PCDHGA12: variants seen among roughly 807,000 people sequenced by gnomAD.
PCDHGA12 encodes protocadherin gamma-A12.
In PCDHGA12, 43 loss-of-function variants were observed where a neutral mutation model predicts 61.1. The observed-to-expected ratio is 0.70, with a 90% CI of 0.55 to 0.91. The LOEUF (loss-of-function observed/expected upper bound fraction) is 0.91. Ranked by LOEUF, PCDHGA12 falls within the 40% of genes least tolerant of loss-of-function variation. The pLI is 0.00. For synonymous variants in PCDHGA12, 520 were observed against 542.9 expected, an observed-to-expected ratio of 0.96 and a Z score of 0.59; for missense variants, 1,236 against 1,227.7, an observed-to-expected ratio of 1.01 and a Z score of -0.10.
chr5:141,471,124 A>C (rs2099250596), intron 1 of PCDHGA12, among the ~76,000 whole-genome samples: 1 of 141,916 alleles, frequency 7.0e-6, no homozygotes, highest in East Asian at 2.1e-4. Flanking sequence ...TCTTACCTTC[A>C]CTGCAACCTC....
chr5:141,431,405 G>A lies in PCDHGA12; in HGVS notation c.646G>A (p.Asp216Asn), dbSNP rs2097369508. Reference sequence around the variant, plus strand: ...TCACCACCTGGTCCTTACGGCCTCCGACGGGGGCGACCCGGTGCGCACAGG... The same window carrying A: ...TCACCACCTGGTCCTTACGGCCTCCAACGGGGGCGACCCGGTGCGCACAGG... The part of the protein sequence containing the change: ...AAHHLVLTAS[D>N]GGDPVRTGTA... Residue 216 changes from aspartate to asparagine, a missense_variant, in exon 1 of 4, where the codon GAC becomes AAC. Physicochemically the swap from Asp to Asn is conservative, Grantham distance 23. Transcript: ENST00000252085. The surrounding 1 kb of genome is among the most constrained non-coding windows in gnomAD (Gnocchi z 4.8). 1 of 1,613,614 alleles carries A rather than the reference G, an allele frequency of 6.2e-7. No individual in the cohort carries two copies.
chr5:141,494,194 G>A (rs1446357035), intron 1 of PCDHGA12, among the ~76,000 whole-genome samples: 2 of 152,182 alleles, frequency 1.3e-5, no homozygotes, highest in Non-Finnish European at 2.9e-5. Flanking sequence ...GGACTTGGAT[G>A]CCCCGCAAAG....
chr5:141,438,764 C>T (rs963627140), intron 1 of PCDHGA12, among the ~76,000 whole-genome samples: 38 of 148,736 alleles, frequency 2.6e-4, no homozygotes, highest in African/African-American at 9.4e-4. Context: ...TGGGTTCAAG[C>T]GATTCTCCTG....
At position 141,476,791 on chromosome 5, in the gene PCDHGA12, C is replaced by A. The variant is rs766227340; in HGVS notation, c.2425-18016C>A. 1 of 1,613,512 alleles carries A rather than the reference C, an allele frequency of 6.2e-7. No individual in the cohort carries two copies. Among genetic ancestry groups the A allele is most frequent in the Non-Finnish European group, 8.5e-7 (1 of 1,180,014 alleles). On this transcript the variant is annotated intron_variant, in intron 1 of 3. Transcript: ENST00000252085. This position sits in a 1 kb window ranked among gnomAD's most constrained non-coding sequence, Gnocchi z 7.6. ...TGGACGGAGGGACCCCAGCTCTCTC[C>A]GCCAGCCTGCCTATTCACATCAAGG...
At chr5:141,501,866 C>T (rs1193396289) in intron 2 of PCDHGA12, among the ~76,000 whole-genome samples, 4 of 152,108 alleles carry the variant, frequency 2.6e-5, no homozygotes, top group South Asian at 2.1e-4. Context: ...TTTCCCAGGA[C>T]GCCTCCTTAC....
In PCDHGA12 at chr5:141,486,036, G is replaced by A. The variant is rs773301300; in HGVS notation, c.2425-8771G>A. ...TATTTCAGTGGTCATACCCCTGATC[G>A]TGTAAGAAACCTCTTTAGCCTGCAC... On this transcript the variant is annotated intron_variant, in intron 1 of 3. Transcript: ENST00000252085. This position sits in a 1 kb window ranked among gnomAD's most constrained non-coding sequence, Gnocchi z 5.0. 2.5e-6 allele frequency: 4 copies of A among 1,614,048 alleles called. No individual in the cohort carries two copies. Among genetic ancestry groups the A allele is most frequent in the Admixed American group, 1.7e-5 (1 of 60,004 alleles).
Position 141,493,404 on chromosome 5 carries a change from C to T in PCDHGA12, c.2425-1403C>T, listed in dbSNP as rs2099748048. Among the ~76,000 whole-genome samples, 1 of 152,148 alleles carries T rather than the reference C, an allele frequency of 6.6e-6. No individual in the cohort carries two copies. Among genetic ancestry groups the T allele is most frequent in the South Asian group, 2.1e-4 (1 of 4,826 alleles). ...CTTGAGGACAGGAGAGGGGAGTTGC[C>T]TCTGCTGGGATTTTGCTTCTGCTGG... On this transcript the variant is annotated intron_variant, in intron 1 of 3. Transcript: ENST00000252085. The surrounding 1 kb of genome is among the most constrained non-coding windows in gnomAD (Gnocchi z 4.3).
intron 1 of PCDHGA12, among the ~76,000 whole-genome samples, chr5:141,438,587 CAT>C (rs1372372472): frequency 3.8e-4 from 28 of 73,432 alleles, no homozygotes; most frequent in African/African-American, 1.4e-3. Flanking sequence ...TACATACATA[CAT>C]ACATATATAT....
chr5:141,441,891 G>A, intron 1 of PCDHGA12: 1 of 348,040 alleles, frequency 2.9e-6, no homozygotes, highest in East Asian at 9.1e-5. Flanking sequence ...TCACCAAGGT[G>A]GTGGCTGTAG....
intron 1 of PCDHGA12, among the ~76,000 whole-genome samples, chr5:141,461,181 A>T (rs1322465700): frequency 1.3e-5 from 2 of 152,104 alleles, no homozygotes; most frequent in Non-Finnish European, 2.9e-5. Flanking sequence ...ATTGAATGGT[A>T]GATCTGTTTT....
intron 1 of PCDHGA12, among the ~76,000 whole-genome samples, chr5:141,469,232 A>AC (rs1350524557): frequency 2.0e-5 from 3 of 151,722 alleles, no homozygotes; most frequent in Non-Finnish European, 4.4e-5. Flanking sequence ...AGCCATGATC[A>AC]CCCCACTGCA....
chr5:141,478,337 T>C (rs766980546), intron 1 of PCDHGA12: 1 of 1,613,942 alleles, frequency 6.2e-7, no homozygotes, highest in Non-Finnish European at 8.5e-7. Context: ...ACCAGGGCCC[T>C]CCTTGCACGC....
intron 1 of PCDHGA12, chr5:141,478,866 C>T (rs1392885307): frequency 1.5e-6 from 2 of 1,304,352 alleles, no homozygotes; most frequent in Non-Finnish European, 2.0e-6. Flanking sequence ...TCTCAGCGAT[C>T]AGAGTTTAGC....
Position 141,476,935 on chromosome 5 carries a change from A to G in PCDHGA12, c.2425-17872A>G. The G allele has an allele frequency of 6.2e-7, 1 of 1,614,166 alleles. No homozygotes were observed. Among genetic ancestry groups the G allele is most frequent in the Non-Finnish European group, 8.5e-7 (1 of 1,180,046 alleles). Reference sequence around the variant, plus strand: ...AAGTCCTTGCAACGGATCTGGATGAAGGCCCCAACGGTGAAATTATTTACT... The same window carrying G: ...AAGTCCTTGCAACGGATCTGGATGAGGGCCCCAACGGTGAAATTATTTACT... On this transcript the variant is annotated intron_variant, in intron 1 of 3. Transcript: ENST00000252085. This position sits in a 1 kb window ranked among gnomAD's most constrained non-coding sequence, Gnocchi z 7.6.
At position 141,477,368 on chromosome 5, in the gene PCDHGA12, G is replaced by A; in HGVS notation, c.2425-17439G>A. Reference sequence around the variant, plus strand: ...GAAAACCAGTGCAGACCTGGATCGGGAGACTGTGCCAGAATACAACCTCAG... The same window carrying A: ...GAAAACCAGTGCAGACCTGGATCGGAAGACTGTGCCAGAATACAACCTCAG... On this transcript the variant is annotated intron_variant, in intron 1 of 3. Coordinates refer to ENST00000252085, the MANE Select transcript of PCDHGA12 (RefSeq NM_003735.3). The surrounding 1 kb of genome is among the most constrained non-coding windows in gnomAD (Gnocchi z 4.9). 6.2e-7 allele frequency: 1 copy of A among 1,614,132 alleles called. No individual in the cohort carries two copies. Among genetic ancestry groups the A allele is most frequent in the Non-Finnish European group, 8.5e-7 (1 of 1,180,024 alleles).
rs2099745591 is a variant in PCDHGA12, at chr5:141,492,999, T to C, written c.2425-1808T>C. Among the ~76,000 whole-genome samples, 3 of 152,350 alleles carry C rather than the reference T, an allele frequency of 2.0e-5. No homozygotes were observed. In the South Asian group the frequency reaches 6.2e-4, roughly 32 times the overall value. ...CTGTCTCCTCTGGCAGATGGAAAGCTATAGGCTCTGCCAGATGCCAGGGTG... is the reference window on the plus strand; with the variant it reads ...CTGTCTCCTCTGGCAGATGGAAAGCCATAGGCTCTGCCAGATGCCAGGGTG... On this transcript the variant is annotated intron_variant, in intron 1 of 3. Coordinates refer to ENST00000252085, the MANE Select transcript of PCDHGA12 (RefSeq NM_003735.3).
In PCDHGA12 at chr5:141,490,679, A is replaced by C; in HGVS notation, c.2425-4128A>C. On this transcript the variant is annotated intron_variant, in intron 1 of 3. Coordinates refer to ENST00000252085, the MANE Select transcript of PCDHGA12 (RefSeq NM_003735.3). The surrounding 1 kb of genome is among the most constrained non-coding windows in gnomAD (Gnocchi z 5.4). ...CTTCTTTGCACTGTGGCTGCCTCAG[A>C]TCCAGACACTGGGGATAATGCCCGC... 6.2e-7 allele frequency: 1 copy of C among 1,614,164 alleles called. No individual in the cohort carries two copies. The highest frequency in any genetic ancestry group is 8.5e-7 in the Non-Finnish European group (1 of 1,180,034).
At chr5:141,470,323 A>G (rs1029928511) in intron 1 of PCDHGA12, among the ~76,000 whole-genome samples, 1 of 152,188 alleles carries the variant, frequency 6.6e-6, no homozygotes, top group Non-Finnish European at 1.5e-5. Context: ...AAATGATCCC[A>G]TAATTTGACC....
At chr5:141,447,861 G>A (rs2098553733) in intron 1 of PCDHGA12, among the ~76,000 whole-genome samples, 1 of 152,120 alleles carries the variant, frequency 6.6e-6, no homozygotes, top group Non-Finnish European at 1.5e-5. Flanking sequence ...CGAGGTGGGT[G>A]AATCATCTGA....
Sources: gnomAD v4.1 joint callset for allele counts (sites outside exome capture counted in the v4.1 genomes callset) on GRCh38, gnomAD v4.1.1 for gene constraint, Gnocchi (gnomAD v3.1) non-coding constraint, MANE v1.5 for transcripts, NCBI Gene and HGNC (gene_info 2026-07-23, HGNC 2026-07-21) for gene names.